EFCAB3: variants seen among roughly 807,000 people sequenced by gnomAD.
EFCAB3 encodes EF-hand calcium-binding domain-containing protein 3.
In EFCAB3, 36 loss-of-function variants were observed where a neutral mutation model predicts 42.2. That is an observed-to-expected ratio of 0.85 (90% confidence interval 0.65 to 1.13). The LOEUF (loss-of-function observed/expected upper bound fraction) is 1.13, where lower values mean the gene tolerates loss of function less well. Ranked by LOEUF, EFCAB3 falls within the 50% of genes most tolerant of loss-of-function variation. The pLI is 0.00. For synonymous variants in EFCAB3, 170 were observed against 172.8 expected (o/e 0.98, Z 0.13); for missense variants, 418 against 505.1 (o/e 0.83, Z 1.65).
chr17:62,393,503 A>T (rs2070321946), intron 4 of EFCAB3, 70 bp from the exon 5 acceptor site: 2 of 1,204,372 alleles, frequency 1.7e-6, no homozygotes, highest in African/African-American at 1.5e-5. Context: ...TTTAATTTTT[A>T]TATTTAATAT....
upstream of EFCAB3, among the ~76,000 whole-genome samples, chr17:62,379,336 C>G (rs1270952042): frequency 2.0e-5 from 3 of 149,280 alleles, no homozygotes; most frequent in Admixed American, 6.8e-5. Flanking sequence ...GGAAGACTCA[C>G]TTGAGCCTGG....
intron 6 of EFCAB3, among the ~76,000 whole-genome samples, chr17:62,396,594 G>GT (rs1368531889): frequency 6.6e-6 from 1 of 150,668 alleles, no homozygotes; most frequent in Non-Finnish European, 1.5e-5. Context: ...TTGAAGCTTC[G>GT]TTTAAAAAAA....
At chr17:62,392,925 C>G (rs2144081009) in intron 4 of EFCAB3, among the ~76,000 whole-genome samples, 1 of 152,328 alleles carries the variant, frequency 6.6e-6, no homozygotes, top group East Asian at 1.9e-4. Flanking sequence ...GCATGAGCCA[C>G]CATGCCCAGC....
chr17:62,406,390 C>A lies in EFCAB3; in HGVS notation c.489-90C>A, dbSNP rs996831312. 24 of 1,041,218 alleles carry A rather than the reference C, an allele frequency of 2.3e-5. No homozygotes were observed. The Admixed American group carries it at 6.9e-4, about 30-fold the overall frequency. The allele number at this position is 1,041,218 out of a possible 1,614,324, so 64.5% of individuals were successfully genotyped here. A position where few individuals can be genotyped will look rare whatever the true frequency, so the allele number is the denominator to read the frequency against. ...TGCAAATTAGATTTAAAATAAGTTT[C>A]TTCAGCATATGTAACTAGCAACTTG... On this transcript the variant is annotated intron_variant, in intron 6 of 9. Coordinates refer to ENST00000305286, the MANE Select transcript of EFCAB3 (RefSeq NM_173503.4).
chr17:62,410,126 G>C (rs915166080), intron 8 of EFCAB3, among the ~76,000 whole-genome samples: 1 of 152,154 alleles, frequency 6.6e-6, no homozygotes, highest in African/African-American at 2.4e-5. Flanking sequence ...TTGAACCCGG[G>C]AGGCAGAGGT....
intron 1 of EFCAB3, 79 bp downstream of exon 1, chr17:62,380,692 T>A: frequency 1.3e-6 from 1 of 754,542 alleles, no homozygotes; most frequent in Non-Finnish European, 1.6e-6. Context: ...GAAGGTATTT[T>A]TTTAAAGAAA....
intron 2 of EFCAB3, among the ~76,000 whole-genome samples, chr17:62,385,666 C>T (rs2070242007): frequency 6.6e-6 from 1 of 150,966 alleles, no homozygotes; most frequent in Non-Finnish European, 1.5e-5. Flanking sequence ...ATTAATAAAC[C>T]ATAATAATTT....
Position 62,416,376 on chromosome 17 carries a change from G to C in EFCAB3, c.*47G>C. 7.4e-7 allele frequency: 1 copy of C among 1,359,136 alleles called. No homozygotes were observed. The highest frequency in any genetic ancestry group is 1.0e-6 in the Non-Finnish European group (1 of 1,002,046). 84.2% of individuals were successfully genotyped at this position (1,359,136 alleles called of 1,614,324 possible). ...GCTCATCACAAACTACTTTTTCATA[G>C]TTATCAAAATTATTGTTTCTTGCTT... On this transcript the variant is annotated 3_prime_UTR_variant, in exon 10 of 10. Transcript: ENST00000305286.
chr17:62,388,149 T>G (rs1401290887), intron 3 of EFCAB3, among the ~76,000 whole-genome samples: 1 of 151,784 alleles, frequency 6.6e-6, no homozygotes, highest in Non-Finnish European at 1.5e-5. Context: ...AAGCGGAGGT[T>G]GCAGTAAGCC....
At chr17:62,375,756 T>C (rs967237166), upstream of EFCAB3, among the ~76,000 whole-genome samples, 1 of 152,320 alleles carries the variant, frequency 6.6e-6, no homozygotes, top group South Asian at 2.1e-4. Context: ...AATTGGCTCT[T>C]AACCATTTAT....
intron 8 of EFCAB3, among the ~76,000 whole-genome samples, chr17:62,408,938 G>A (rs1254889689): frequency 6.6e-6 from 1 of 152,128 alleles, no homozygotes; most frequent in Non-Finnish European, 1.5e-5. Flanking sequence ...TGTCTCAAAT[G>A]TCACTTTAGG....
chr17:62,378,001 C>T (rs764675263), upstream of EFCAB3: 1 of 1,549,768 alleles, frequency 6.5e-7, no homozygotes. Flanking sequence ...AAGTTGAAAA[C>T]TGCAAATGAT....
chr17:62,406,174 G>T (rs2070445518), intron 6 of EFCAB3, among the ~76,000 whole-genome samples: 1 of 151,920 alleles, frequency 6.6e-6, no homozygotes, highest in Non-Finnish European at 1.5e-5. Flanking sequence ...TTCCAGTCCA[G>T]CCTGGCAACA....
chr17:62,396,760 C>T (rs1189423550), intron 6 of EFCAB3, among the ~76,000 whole-genome samples: 6 of 151,626 alleles, frequency 4.0e-5, no homozygotes, highest in Non-Finnish European at 5.9e-5. Context: ...GGCATGGTGG[C>T]GAATACCTGT....
upstream of EFCAB3, chr17:62,380,484 G>T: frequency 1.2e-6 from 1 of 860,120 alleles, no homozygotes; most frequent in African/African-American, 1.8e-5. Context: ...AGGAGCTCCT[G>T]GGTCATTCTC....
At position 62,382,999 on chromosome 17, in the gene EFCAB3, A is replaced by T; in HGVS notation, c.20A>T (p.Lys7Ile). The change falls in exon 2 of 10, where the codon AAA becomes ATA. Residue 7 changes from lysine (K) to isoleucine (I), a missense_variant. By Grantham distance (102) the Lys-to-Ile change is moderately radical (BLOSUM62 -3). Transcript: ENST00000305286. MAVSEI[K>I]PKLKLNPLTK... is the part of the protein sequence containing the mutation. ...GGCCACATGGCAGTTTCAGAAATTA[A>T]ACCAAAACTTAAGCTGAATCCTCTA... The T allele has an allele frequency of 1.2e-6, 2 of 1,613,740 alleles. No individual in the cohort carries two copies. Among genetic ancestry groups the T allele is most frequent in the Non-Finnish European group, 1.7e-6 (2 of 1,179,934 alleles).
At chr17:62,406,012 C>T (rs2070444158) in intron 6 of EFCAB3, among the ~76,000 whole-genome samples, 1 of 148,824 alleles carries the variant, frequency 6.7e-6, no homozygotes, top group African/African-American at 2.6e-5. Flanking sequence ...TGTTTGCATT[C>T]AAGCTGGTAC....
chr17:62,393,772 G>T, intron 5 of EFCAB3, 128 bp downstream of exon 5: 1 of 725,936 alleles, frequency 1.4e-6, no homozygotes, highest in East Asian at 2.6e-5. Flanking sequence ...AGTTACTTTT[G>T]TACCTCTTCT....
At chr17:62,386,002 C>T (rs922521912) in intron 2 of EFCAB3, among the ~76,000 whole-genome samples, 7 of 151,856 alleles carry the variant, frequency 4.6e-5, no homozygotes, top group Non-Finnish European at 8.8e-5. Context: ...GCAGGGATTA[C>T]AGGCATGAGC....
Sources: allele counts gnomAD v4.1 joint callset (sites outside exome capture counted in the v4.1 genomes callset), GRCh38; gene constraint gnomAD v4.1.1; transcripts MANE v1.5; gene names NCBI Gene and HGNC (gene_info 2026-07-23, HGNC 2026-07-21).